MOSMO: variants seen among roughly 807,000 people sequenced by gnomAD.
MOSMO encodes modulator of smoothened, also known as modulator of smoothened protein.
MOSMO carries 5 observed loss-of-function variants against 18.4 expected under a neutral mutation model. The observed-to-expected ratio is 0.27, with a 90% CI of 0.14 to 0.57. MOSMO has a LOEUF of 0.57. Among genes scored for constraint, MOSMO ranks in the 20% least tolerant of loss-of-function variants. The pLI, the probability that MOSMO is intolerant of heterozygous loss-of-function variation, is 0.92. For synonymous variants in MOSMO, 82 were observed against 82.3 expected, an observed-to-expected ratio of 1.00 and a Z score of 0.02; for missense variants, 138 against 211.8, an observed-to-expected ratio of 0.65 and a Z score of 2.16.
At chr16:22,075,799 A>G in intron 2 of MOSMO, 100 bp downstream of exon 2, 4 of 816,620 alleles carry the variant, frequency 4.9e-6, no homozygotes, top group Non-Finnish European at 5.9e-6. Context: ...CTTCATAATC[A>G]TCAAAGAGCA....
At chr16:22,068,317 A>G (rs1598022441) in intron 1 of MOSMO, among the ~76,000 whole-genome samples, 1 of 152,230 alleles carries the variant, frequency 6.6e-6, no homozygotes, top group African/African-American at 2.4e-5. Context: ...TGGTATTTAA[A>G]TGATTGTTGG....
chr16:22,029,030 C>G (rs1375933942), intron 1 of MOSMO, among the ~76,000 whole-genome samples: 1 of 152,090 alleles, frequency 6.6e-6, no homozygotes, highest in Non-Finnish European at 1.5e-5. Context: ...TGCCACCATG[C>G]CCGGCTAATT....
At chr16:22,014,148 C>T (rs1899591528) in intron 1 of MOSMO, among the ~76,000 whole-genome samples, 2 of 152,036 alleles carry the variant, frequency 1.3e-5, no homozygotes, top group Admixed American at 6.6e-5. Context: ...GAGATGAGTG[C>T]TTCCAAAGAC....
intron 1 of MOSMO, among the ~76,000 whole-genome samples, chr16:22,017,142 G>A (rs1899656653): frequency 6.6e-6 from 1 of 151,976 alleles, no homozygotes; most frequent in South Asian, 2.1e-4. Flanking sequence ...TTAGGTGGTG[G>A]GCCATATTGC....
chr16:22,074,018 T>C (rs1489170813), intron 1 of MOSMO, among the ~76,000 whole-genome samples: 2 of 152,196 alleles, frequency 1.3e-5, no homozygotes, highest in East Asian at 3.9e-4. Context: ...TTTCATTTTA[T>C]TTCAACAAGT....
downstream of MOSMO, among the ~76,000 whole-genome samples, chr16:22,088,126 C>T (rs747741217): frequency 7.5e-4 from 114 of 152,068 alleles, no homozygotes; most frequent in Admixed American, 1.4e-3. Context: ...TGGGCTCAAG[C>T]GATTCACCCA....
rs559764460 is a variant in MOSMO, at chr16:22,008,960, A to AG, written c.106+554dup. Among the ~76,000 whole-genome samples, 360 of 151,762 alleles carry AG rather than the reference A, an allele frequency of 2.4e-3. 2 individuals carry two copies. The highest frequency in any genetic ancestry group is 4.1e-3 in the Non-Finnish European group (281 of 67,866). The stretch of plus-strand genomic sequence containing the variant: ...CCAGAGGAAGCTGCGGCCGGGGGCG[A>AG]GCCCGGGCTGCGGGCGCTGACCCCA... On this transcript the variant is annotated intron_variant, in intron 1 of 2. Transcript: ENST00000542527.
downstream of MOSMO, among the ~76,000 whole-genome samples, chr16:22,088,808 C>G (rs966134230): frequency 2.6e-5 from 4 of 152,154 alleles, no homozygotes; most frequent in Non-Finnish European, 4.4e-5. Flanking sequence ...TCCCTGACTT[C>G]AGATCTAGGA....
intron 1 of MOSMO, among the ~76,000 whole-genome samples, chr16:22,009,204 A>C (rs558128176): frequency 2.0e-4 from 31 of 152,264 alleles, no homozygotes; most frequent in African/African-American, 7.5e-4. Context: ...CTAATAATAA[A>C]CCTCATTTTA....
chr16:22,011,351 G>A (rs529838397), intron 1 of MOSMO, among the ~76,000 whole-genome samples: 1 of 152,218 alleles, frequency 6.6e-6, no homozygotes, highest in Non-Finnish European at 1.5e-5. Flanking sequence ...CTTCATTCAA[G>A]GTTGGGGTTT....
intron 1 of MOSMO, among the ~76,000 whole-genome samples, chr16:22,061,259 G>A (rs1010276054): frequency 2.0e-5 from 3 of 152,180 alleles, no homozygotes; most frequent in African/African-American, 7.2e-5. Flanking sequence ...ATTTTAAAAT[G>A]TGAATTTTAT....
chr16:22,023,799 T>A (rs531242027), intron 1 of MOSMO, among the ~76,000 whole-genome samples: 3 of 152,142 alleles, frequency 2.0e-5, no homozygotes, highest in African/African-American at 7.2e-5. Context: ...TTTACTGAGT[T>A]TTTTTTAGAA....
Position 22,083,538 on chromosome 16 carries a change from T to TA in MOSMO, c.*2664dup. On this transcript the variant is annotated 3_prime_UTR_variant, in exon 3 of 3. Coordinates refer to ENST00000542527, the MANE Select transcript of MOSMO (RefSeq NM_001164579.2). ...ATAGACAACTGTCCGCAGTTGCTTT[T>TA]AAAAAAGGTCACTATAATAAGTACT... is the stretch of plus-strand genomic sequence containing the variant. The TA allele has an allele frequency of 2.9e-6, 1 of 343,906 alleles. No individual in the cohort carries two copies. The highest frequency in any genetic ancestry group is 2.2e-5 in the South Asian group (1 of 45,078). 21.3% of individuals were successfully genotyped at this position (343,906 alleles called of 1,614,324 possible).
At chr16:22,061,285 C>A (rs2141759490) in intron 1 of MOSMO, among the ~76,000 whole-genome samples, 2 of 152,224 alleles carry the variant, frequency 1.3e-5, no homozygotes, top group East Asian at 3.9e-4. Flanking sequence ...CTAAACTCGA[C>A]CTCAGTAAAC....
At chr16:22,062,180 T>C (rs1900657234) in intron 1 of MOSMO, among the ~76,000 whole-genome samples, 1 of 152,016 alleles carries the variant, frequency 6.6e-6, no homozygotes, top group Non-Finnish European at 1.5e-5. Flanking sequence ...TCATGATTTT[T>C]CTTCTAAGTC....
chr16:22,051,427 AC>A (rs1900425186), intron 1 of MOSMO, among the ~76,000 whole-genome samples: 2 of 152,050 alleles, frequency 1.3e-5, no homozygotes, highest in Non-Finnish European at 2.9e-5. Context: ...ATTTCTACAT[AC>A]AAAAAAAATC....
chr16:22,092,322 A>G (rs980170576), downstream of MOSMO: 5 of 310,714 alleles, frequency 1.6e-5, no homozygotes, highest in Non-Finnish European at 3.1e-5. Flanking sequence ...GCTGACTGAG[A>G]GGTTCTGAAA....
intron 2 of MOSMO, among the ~76,000 whole-genome samples, chr16:22,079,848 A>G (rs966417042): frequency 1.3e-5 from 2 of 152,164 alleles, no homozygotes; most frequent in African/African-American, 4.8e-5. Context: ...CAGTGGCACA[A>G]TCTTGGCTCA....
chr16:22,054,242 C>A (rs1161339272), intron 1 of MOSMO, among the ~76,000 whole-genome samples: 2 of 152,062 alleles, frequency 1.3e-5, no homozygotes. Flanking sequence ...ACTACAGGCA[C>A]ATGCCACCAC....
Sources: gnomAD v4.1 joint callset for allele counts (sites outside exome capture counted in the v4.1 genomes callset) on GRCh38, gnomAD v4.1.1 for gene constraint, MANE v1.5 for transcripts, NCBI Gene and HGNC (gene_info 2026-07-23, HGNC 2026-07-21) for gene names.